Variants in SMC1B observed in about 807,000 individuals in gnomAD.
SMC1B encodes structural maintenance of chromosomes 1B.
In SMC1B, 60 loss-of-function variants were observed where a neutral mutation model predicts 157.9. The observed-to-expected ratio is 0.38, with a 90% confidence interval of 0.31 to 0.47. SMC1B has a LOEUF of 0.47. SMC1B is among the 20% of genes least tolerant of loss of function. The pLI is 0.99. For synonymous variants in SMC1B, 445 were observed against 483.0 expected, an observed-to-expected ratio of 0.92 and a Z score of 1.03; for missense variants, 1,165 against 1,426.2, an observed-to-expected ratio of 0.82 and a Z score of 2.95.
rs1055172324 is a variant in SMC1B, at chr22:45,383,409, A to G, written c.2058+58T>C. ...CACTGTTATTATAAAAAACCCACCT[A>G]GTTTAAAAACACAATTATTCTACTT... On this transcript the variant is annotated intron_variant, in intron 12 of 24. Transcript: ENST00000357450. 159 of 1,329,650 alleles carry G rather than the reference A, an allele frequency of 1.2e-4. 2 individuals carry two copies. Among genetic ancestry groups the G allele is most frequent in the Middle Eastern group, 1.9e-4 (1 of 5,264 alleles). 82.4% of individuals were successfully genotyped at this position (1,329,650 alleles called of 1,614,324 possible).
At chr22:45,374,856 T>A (rs1398992321) in intron 12 of SMC1B, among the ~76,000 whole-genome samples, 2 of 152,164 alleles carry the variant, frequency 1.3e-5, no homozygotes, top group Admixed American at 1.3e-4. Flanking sequence ...TCCCCTATTT[T>A]CACAGGACAT....
chr22:45,397,608 T>C (rs2146838753), intron 6 of SMC1B, among the ~76,000 whole-genome samples: 1 of 152,336 alleles, frequency 6.6e-6, no homozygotes, highest in African/African-American at 2.4e-5. Context: ...TTACCTCTGA[T>C]TGATCCCTAC....
Position 45,387,035 on chromosome 22 carries a change from G to C in SMC1B, c.1743C>G (p.Ile581Met). 6.2e-7 allele frequency: 1 copy of C among 1,612,188 alleles called. No homozygotes were observed. Among genetic ancestry groups the C allele is most frequent in the Non-Finnish European group, 8.5e-7 (1 of 1,178,700 alleles). The part of the protein sequence containing the change: ...LALDYLDIKP[I>M]NERLRELKGC... ...CTTTAAGCTCCCTTAGTCTTTCATT[G>C]ATTGGCTTGATCTAAAGGGTTTTAA... Residue 581 changes from isoleucine to methionine, a missense_variant, in exon 11 of 25, where the codon ATC becomes ATG. Ile to Met is a conservative substitution (Grantham distance 10, BLOSUM62 1). Transcript: ENST00000357450.
At chr22:45,356,291 T>C (rs527434044) in intron 19 of SMC1B, among the ~76,000 whole-genome samples, 13 of 152,188 alleles carry the variant, frequency 8.5e-5, no homozygotes, top group Non-Finnish European at 1.9e-4. Flanking sequence ...CTCCTCCCTC[T>C]ACAGTGATTG....
chr22:45,352,048 T>C (rs1438490985), intron 22 of SMC1B, among the ~76,000 whole-genome samples: 2 of 152,142 alleles, frequency 1.3e-5, no homozygotes, highest in Admixed American at 6.5e-5. Context: ...TTTTCTAAAA[T>C]GGAATAGTAG....
intron 15 of SMC1B, among the ~76,000 whole-genome samples, chr22:45,368,488 C>G (rs1310795316): frequency 6.7e-6 from 1 of 149,118 alleles, no homozygotes; most frequent in African/African-American, 2.5e-5. Flanking sequence ...TAAAAAGATG[C>G]ATTTTTTCCT....
chr22:45,395,586 G>C (rs1377817028), intron 7 of SMC1B, among the ~76,000 whole-genome samples: 1 of 152,154 alleles, frequency 6.6e-6, no homozygotes, highest in Non-Finnish European at 1.5e-5. Flanking sequence ...GACTGGGCAC[G>C]GTGGCTCAGG....
chr22:45,370,702 A>G (rs1180616605), intron 14 of SMC1B, among the ~76,000 whole-genome samples: 3 of 152,206 alleles, frequency 2.0e-5, no homozygotes, highest in Non-Finnish European at 4.4e-5. Context: ...ATGGAAAGTT[A>G]CAGTTATAAA....
chr22:45,375,505 T>C (rs774283877), intron 12 of SMC1B, among the ~76,000 whole-genome samples: 37 of 152,264 alleles, frequency 2.4e-4, no homozygotes, highest in African/African-American at 8.7e-4. Flanking sequence ...CAAGACTACA[T>C]TGAATAGTGA....
intron 5 of SMC1B, among the ~76,000 whole-genome samples, chr22:45,402,125 C>T (rs1488302125): frequency 6.6e-6 from 1 of 152,178 alleles, no homozygotes; most frequent in Non-Finnish European, 1.5e-5. Flanking sequence ...CCTCGTGATC[C>T]ACCTGCCTCA....
At chr22:45,359,736 G>C in intron 18 of SMC1B, 69 bp downstream of exon 18, 2 of 1,514,366 alleles carry the variant, frequency 1.3e-6, no homozygotes, top group Non-Finnish European at 1.8e-6. Context: ...ACAAGAGAAA[G>C]AATAAGCAAA....
Position 45,344,348 on chromosome 22 carries a change from C to CA in SMC1B, c.*207dup. On this transcript the variant is annotated 3_prime_UTR_variant, in exon 25 of 25. Transcript: ENST00000357450. ...TGTTTTTTAAAAACTCATTTGACAC[C>CA]AGCTCTCACTGAAAACTTTCCCTAC... is the stretch of plus-strand genomic sequence containing the variant. 1 of 379,036 alleles carries CA rather than the reference C, an allele frequency of 2.6e-6. No homozygotes were observed. The allele number at this position is 379,036 out of a possible 1,614,324, so 23.5% of individuals were successfully genotyped here. A position where few individuals can be genotyped will look rare whatever the true frequency, so the allele number is the denominator to read the frequency against.
rs776387992 is a variant in SMC1B, at chr22:45,413,495, G to A, written c.73C>T (p.Arg25Trp). 6.2e-7 allele frequency: 1 copy of A among 1,610,418 alleles called. No individual in the cohort carries two copies. Among genetic ancestry groups the A allele is most frequent in the Non-Finnish European group, 8.5e-7 (1 of 1,178,402 alleles). ...GGGCCGATGATGCAGGTGAACCTCC[G>A]GAAGGGGCCAATGACCTGGCGGCCC... The part of the protein sequence containing the change: ...WRGRQVIGPF[R>W]RFTCIIGPNG... The change falls in exon 1 of 25, where the codon CGG becomes TGG. Residue 25 changes from arginine to tryptophan, a missense_variant. Transcript: ENST00000357450.
chr22:45,380,760 A>T (rs2086928339), intron 12 of SMC1B, among the ~76,000 whole-genome samples: 2 of 152,070 alleles, frequency 1.3e-5, no homozygotes, highest in African/African-American at 4.8e-5. Flanking sequence ...GCTACAAAAA[A>T]TTAAAATAAA....
At chr22:45,404,210 G>A (rs149227391) in intron 4 of SMC1B, among the ~76,000 whole-genome samples, 3 of 151,484 alleles carry the variant, frequency 2.0e-5, no homozygotes, top group Non-Finnish European at 4.4e-5. Context: ...CCAAAGTGTT[G>A]GGATTATAGG....
At chr22:45,372,869 G>C (rs6007002) in intron 12 of SMC1B, among the ~76,000 whole-genome samples, 73,474 of 151,672 alleles carry the variant, frequency 0.48, 20,621 homozygotes, top group African/African-American at 0.78. Flanking sequence ...CCCGCCAGCA[G>C]GCCCAGCTAA....
Position 45,379,723 on chromosome 22 carries a change from C to CTTTTTTTTTTTTTTT in SMC1B, c.2058+3729_2058+3743dup, listed in dbSNP as rs136583. Among the ~76,000 whole-genome samples the CTTTTTTTTTTTTTTT allele has an allele frequency of 2.1e-3, 190 of 91,456 alleles. 1 individual carries two copies. The highest frequency in any genetic ancestry group is 3.0e-3 in the African/African-American group (67 of 22,160). 60.0% of individuals were successfully genotyped at this position (91,456 alleles called of 152,430 possible). A position where few individuals can be genotyped will look rare whatever the true frequency, so the allele number is the denominator to read the frequency against. On this transcript the variant is annotated intron_variant, in intron 12 of 24. Coordinates refer to ENST00000357450, the MANE Select transcript of SMC1B (RefSeq NM_148674.5). ...TAGAGTACTTTCCTTTTTCTTTTTA[C>CTTTTTTTTTTTTTTT]TTTTTTTTTTTTTTTTTTTTTTGAG...
chr22:45,392,739 G>A (rs1414626026), intron 9 of SMC1B, among the ~76,000 whole-genome samples: 4 of 151,974 alleles, frequency 2.6e-5, no homozygotes, highest in African/African-American at 9.7e-5. Context: ...CTCACTCTGT[G>A]GCCTAGGCTG....
At chr22:45,363,128 C>A (rs1602055847) in intron 15 of SMC1B, 102 bp from the exon 16 acceptor site, 3 of 770,974 alleles carry the variant, frequency 3.9e-6, no homozygotes, top group East Asian at 6.0e-5. Flanking sequence ...AAAAGGAATA[C>A]TATAATGAAC....
Sources: gnomAD v4.1 joint callset for allele counts (sites outside exome capture counted in the v4.1 genomes callset) on GRCh38, gnomAD v4.1.1 for gene constraint, MANE v1.5 for transcripts, NCBI Gene and HGNC (gene_info 2026-07-23, HGNC 2026-07-21) for gene names.